HSD11B1: variants seen among roughly 807,000 people sequenced by gnomAD.
The protein encoded by HSD11B1 is 11-beta-hydroxysteroid dehydrogenase 1.
Under a neutral mutation model 22.1 loss-of-function variants are expected in HSD11B1, and 15 were observed. The ratio of observed to expected loss-of-function variants is 0.68; its 90% CI spans 0.45 to 1.04. HSD11B1 has a LOEUF of 1.04. HSD11B1 is among the 50% of genes least tolerant of loss of function. HSD11B1 has a pLI of 0.00. For missense variants in HSD11B1, 281 were observed against 357.6 expected, an observed-to-expected ratio of 0.79 and a Z score of 1.73; for synonymous variants, 122 against 125.2, an observed-to-expected ratio of 0.97 and a Z score of 0.17.
intron 4 of HSD11B1, among the ~76,000 whole-genome samples, chr1:209,715,557 A>T (rs575519187): frequency 1.3e-5 from 2 of 152,220 alleles, no homozygotes; most frequent in Non-Finnish European, 2.9e-5. Context: ...ATAGGCACAC[A>T]TTACCAGGAC....
At chr1:209,707,187 T>G in intron 4 of HSD11B1, 59 bp downstream of exon 4, 2 of 1,358,960 alleles carry the variant, frequency 1.5e-6, no homozygotes, top group South Asian at 2.3e-5. Flanking sequence ...CCAGGGATGA[T>G]GCCAGGCTCT....
intron 4 of HSD11B1, among the ~76,000 whole-genome samples, chr1:209,711,433 A>C (rs149271964): frequency 2.2e-3 from 329 of 152,252 alleles, no homozygotes; most frequent in East Asian, 4.1e-3. Context: ...TTTTTCTAAG[A>C]AAAAATGCCG....
At chr1:209,726,687 C>T (rs2077005098) in intron 4 of HSD11B1, among the ~76,000 whole-genome samples, 1 of 152,172 alleles carries the variant, frequency 6.6e-6, no homozygotes, top group African/African-American at 2.4e-5. Flanking sequence ...CACTACTTCT[C>T]TCCTTTCTTC....
At chr1:209,696,735 G>A (rs1162701575) in intron 1 of HSD11B1, among the ~76,000 whole-genome samples, 1 of 152,192 alleles carries the variant, frequency 6.6e-6, no homozygotes, top group African/African-American at 2.4e-5. Context: ...AGGATATTTG[G>A]GGAGGTTAAA....
intron 1 of HSD11B1, among the ~76,000 whole-genome samples, chr1:209,688,381 T>G (rs769731356): frequency 5.4e-4 from 82 of 152,258 alleles, no homozygotes; most frequent in Non-Finnish European, 1.0e-3. Flanking sequence ...CACATTCCTA[T>G]TATAGTATAC....
intron 4 of HSD11B1, among the ~76,000 whole-genome samples, chr1:209,722,775 T>C (rs758956659): frequency 1.4e-4 from 22 of 152,222 alleles, no homozygotes; most frequent in Non-Finnish European, 3.1e-4. Flanking sequence ...TGCCTGGGGT[T>C]GCTCTAAAAG....
chr1:209,706,053 C>A lies in HSD11B1; in HGVS notation c.219+112C>A. ...TATCGCAGATCTATATACAGAGGCA[C>A]ATGCACACACACAGACACTTAATTT... On this transcript the variant is annotated intron_variant, in intron 2 of 5. Coordinates refer to ENST00000367027, the MANE Select transcript of HSD11B1 (RefSeq NM_005525.4). This position sits in a 1 kb window ranked among gnomAD's most constrained non-coding sequence, Gnocchi z 4.0. 7.4e-7 allele frequency: 1 copy of A among 1,353,418 alleles called. No individual in the cohort carries two copies. The highest frequency in any genetic ancestry group is 1.1e-6 in the Non-Finnish European group (1 of 951,856). The allele number at this position is 1,353,418 out of a possible 1,614,324, so 83.8% of individuals were successfully genotyped here.
At chr1:209,732,665 T>A (rs45450395) in intron 5 of HSD11B1, 86 bp downstream of exon 5, 23 of 1,087,694 alleles carry the variant, frequency 2.1e-5, no homozygotes, top group Non-Finnish European at 3.1e-5. Context: ...TTGTTACATA[T>A]GTATGCATGT....
chr1:209,706,850 G>T lies in HSD11B1; in HGVS notation c.331+30G>T. Reference sequence around the variant, plus strand: ...GGCTGTTTCTCTTACCTCCTCCTCTGAACTTTGCCCTTGGGGTCACCAAGA... The same window carrying T: ...GGCTGTTTCTCTTACCTCCTCCTCTTAACTTTGCCCTTGGGGTCACCAAGA... On this transcript the variant is annotated intron_variant, in intron 3 of 5. Transcript: ENST00000367027. This position sits in a 1 kb window ranked among gnomAD's most constrained non-coding sequence, Gnocchi z 4.0. 1 of 1,606,860 alleles carries T rather than the reference G, an allele frequency of 6.2e-7. No individual in the cohort carries two copies. The highest frequency in any genetic ancestry group is 8.5e-7 in the Non-Finnish European group (1 of 1,174,854).
In HSD11B1 at chr1:209,726,113, T is replaced by A. The variant is rs139028287; in HGVS notation, c.518-6323T>A. 3.2e-3 allele frequency among the ~76,000 whole-genome samples: 491 copies of A among 151,906 alleles called. 3 individuals are homozygous for A. Among genetic ancestry groups the A allele is most frequent in the African/African-American group, 0.011 (466 of 41,424 alleles). On this transcript the variant is annotated intron_variant, in intron 4 of 5. Coordinates refer to ENST00000367027, the MANE Select transcript of HSD11B1 (RefSeq NM_005525.4). ...CTGGCCAACACAGTAAAGCCCCATCTCTACTAAAAACACAAAAATTAGCCA... is the reference window on the plus strand; with the variant it reads ...CTGGCCAACACAGTAAAGCCCCATCACTACTAAAAACACAAAAATTAGCCA...
rs2076848036 is a variant in HSD11B1, at chr1:209,705,010, C to A, written c.68C>A (p.Ala23Glu). Residue 23 changes from alanine (A) to glutamate (E), a missense_variant, in exon 1 of 6, where the codon GCA becomes GAA. Ala to Glu is a moderately radical substitution (Grantham distance 107). Transcript: ENST00000367027. Reference sequence around the variant, plus strand: ...TTCATGGCCTACTACTACTATTCTGCAAACGAGGAATTCAGACCAGGTAAG... The same window carrying A: ...TTCATGGCCTACTACTACTATTCTGAAAACGAGGAATTCAGACCAGGTAAG... ...GLFMAYYYYS[A>E]NEEFRPEMLQ... The A allele has an allele frequency of 6.2e-7, 1 of 1,613,514 alleles. No homozygotes were observed.
At position 209,706,371 on chromosome 1, in the gene HSD11B1, A is replaced by G. The variant is rs932530351; in HGVS notation, c.220-338A>G. On this transcript the variant is annotated intron_variant, in intron 2 of 5. Transcript: ENST00000367027. This position sits in a 1 kb window ranked among gnomAD's most constrained non-coding sequence, Gnocchi z 4.0. ...CTCACAAACCCAAGGATGTACAAAC[A>G]TTCACAAACCTAGAGCTACCCACAT... Among the ~76,000 whole-genome samples the G allele has an allele frequency of 6.6e-6, 1 of 152,174 alleles. No individual in the cohort carries two copies. Among genetic ancestry groups the G allele is most frequent in the Non-Finnish European group, 1.5e-5 (1 of 68,030 alleles).
chr1:209,721,469 C>CAAAAAAA (rs3059693), intron 4 of HSD11B1, among the ~76,000 whole-genome samples: 1 of 101,820 alleles, frequency 9.8e-6, no homozygotes, highest in African/African-American at 3.3e-5. Flanking sequence ...ATTTCAAAAG[C>CAAAAAAA]AAAAAAAAAA....
At chr1:209,692,593 G>A (rs1226748031) in intron 1 of HSD11B1, among the ~76,000 whole-genome samples, 1 of 112,724 alleles carries the variant, frequency 8.9e-6, no homozygotes, top group South Asian at 3.9e-4. Context: ...TCAAGGAATC[G>A]GGTATTAAAA....
Position 209,719,356 on chromosome 1 carries a change from C to T in HSD11B1, c.517+12228C>T, listed in dbSNP as rs531926384. On this transcript the variant is annotated intron_variant, in intron 4 of 5. Transcript: ENST00000367027. ...AATTGGAGGAAACTGTATGATTCCACTTACGTGAAGTTCTTAGAGTGGTGA... is the reference window on the plus strand; with the variant it reads ...AATTGGAGGAAACTGTATGATTCCATTTACGTGAAGTTCTTAGAGTGGTGA... Among the ~76,000 whole-genome samples, 8 of 152,252 alleles carry T rather than the reference C, an allele frequency of 5.3e-5. No individual in the cohort carries two copies. The East Asian group carries it at 1.2e-3, about 22-fold the overall frequency.
chr1:209,687,829 A>G (rs1025751008), intron 1 of HSD11B1, among the ~76,000 whole-genome samples: 1 of 152,214 alleles, frequency 6.6e-6, no homozygotes, highest in Non-Finnish European at 1.5e-5. Flanking sequence ...AGATTTCCCC[A>G]ATAGTTTAGT....
At chr1:209,686,248 A>C (rs1475414556), upstream of HSD11B1, 1 of 152,250 alleles carries the variant, frequency 6.6e-6, no homozygotes, top group East Asian at 1.9e-4. Context: ...AAAAAAGAAC[A>C]TCAATAAAAA....
chr1:209,695,412 G>A (rs1229672471), intron 1 of HSD11B1, among the ~76,000 whole-genome samples: 1 of 152,168 alleles, frequency 6.6e-6, no homozygotes, highest in Admixed American at 6.5e-5. Context: ...TAAGTTTCTG[G>A]ATTACTAATT....
At chr1:209,697,884 C>CTTTTTTTTTTTCTTTTTTTT in intron 1 of HSD11B1, among the ~76,000 whole-genome samples, 1 of 41,584 alleles carries the variant, frequency 2.4e-5, no homozygotes, top group Non-Finnish European at 4.5e-5. Flanking sequence ...TTGTTTTTTC[C>CTTTTTTTTTTTCTTTTTTTT]TTTTTTTTTT....
Sources: gnomAD v4.1 joint callset for allele counts (sites outside exome capture counted in the v4.1 genomes callset) on GRCh38, gnomAD v4.1.1 for gene constraint, Gnocchi (gnomAD v3.1) non-coding constraint, MANE v1.5 for transcripts, NCBI Gene and HGNC (gene_info 2026-07-23, HGNC 2026-07-21) for gene names.